Variants in FYB2 observed in about 807,000 individuals in gnomAD.
FYB2 encodes the protein FYN binding protein 2, also known as FYN-binding protein 2.
Under a neutral mutation model 94.1 loss-of-function variants are expected in FYB2, and 103 were observed. The ratio of observed to expected loss-of-function variants is 1.09; its 90% CI spans 0.93 to 1.29. The LOEUF (loss-of-function observed/expected upper bound fraction) is 1.29. FYB2 is among the 50% of genes most tolerant of loss of function. The pLI, the probability that FYB2 is intolerant of heterozygous loss-of-function variation, is 0.00. For missense variants in FYB2, 896 were observed against 841.5 expected, an observed-to-expected ratio of 1.06 and a Z score of -0.80; for synonymous variants, 293 against 287.9, an observed-to-expected ratio of 1.02 and a Z score of -0.18.
rs138851640 is a variant in FYB2 at position 56,789,060 on chromosome 1, G to A, written c.832C>T (p.Pro278Ser). 5.6e-5 allele frequency: 91 copies of A among 1,613,886 alleles called. No individual in the cohort carries two copies. In the African/African-American group the frequency reaches 1.1e-3, roughly 20 times the overall value. ...PLPSIDSLGP[P>S]PPKPSRPPIV... ...GGAGGTCTTGAAGGCTTTGGGGGAG[G>A]AGGACCCAGGGAGTCGATGGAGGGC... The change falls in exon 3 of 20, where the codon CCT (proline) becomes TCT (serine). Residue 278 changes from proline (P) to serine (S), a missense_variant. Physicochemically the swap from Pro to Ser is moderately conservative, Grantham distance 74 (BLOSUM62 -1). Transcript: ENST00000343433.
intron 14 of FYB2, among the ~76,000 whole-genome samples, chr1:56,738,247 A>G (rs940080701): frequency 1.3e-5 from 2 of 152,124 alleles, no homozygotes; most frequent in African/African-American, 4.8e-5. Flanking sequence ...AGGATGAAGG[A>G]TATCAAGTCC....
At chr1:56,781,149 C>T (rs1303227581) in intron 4 of FYB2, among the ~76,000 whole-genome samples, 1 of 152,202 alleles carries the variant, frequency 6.6e-6, no homozygotes, top group African/African-American at 2.4e-5. Context: ...TTAAGTGATT[C>T]TGTTGTACAT....
At chr1:56,722,033 T>A (rs1644494603) in intron 17 of FYB2, among the ~76,000 whole-genome samples, 1 of 151,962 alleles carries the variant, frequency 6.6e-6, no homozygotes. Flanking sequence ...ATACAGGAAA[T>A]GGAATATCTT....
At chr1:56,754,353 A>G (rs1002172633) in intron 7 of FYB2, among the ~76,000 whole-genome samples, 1 of 151,940 alleles carries the variant, frequency 6.6e-6, no homozygotes, top group Non-Finnish European at 1.5e-5. Context: ...TGCCTTCCAC[A>G]TCTTATACTG....
At chr1:56,804,523 A>C (rs1646594834) in intron 1 of FYB2, among the ~76,000 whole-genome samples, 1 of 152,098 alleles carries the variant, frequency 6.6e-6, no homozygotes, top group Non-Finnish European at 1.5e-5. Flanking sequence ...TCAGGAGTTC[A>C]AGACCAGCCT....
Position 56,753,849 on chromosome 1 carries a change from T to C in FYB2, c.1217A>G (p.His406Arg), listed in dbSNP as rs770063699. Residue 406 changes from histidine (H) to arginine (R), a missense_variant, in exon 8 of 20, where the codon CAT becomes CGT. Transcript: ENST00000343433. ...KNTEKEPYSN[H>R]VFKVDACEGT... is the part of the protein sequence containing the mutation. ...GTAGAACATAGGTACCTTGAAAACATGGTTTGAATATGGTTCCTTTTCTGT... is the reference window on the plus strand; with the variant it reads ...GTAGAACATAGGTACCTTGAAAACACGGTTTGAATATGGTTCCTTTTCTGT... The C allele has an allele frequency of 3.0e-5, 48 of 1,606,150 alleles. No individual in the cohort carries two copies. In the South Asian group the frequency reaches 4.9e-4, roughly 17 times the overall value.
Position 56,767,952 on chromosome 1 carries a change from G to A in FYB2, c.954-14C>T, listed in dbSNP as rs754542280. 6.5e-7 allele frequency: 1 copy of A among 1,530,906 alleles called. No homozygotes were observed. Among genetic ancestry groups the A allele is most frequent in the Non-Finnish European group, 8.9e-7 (1 of 1,125,574 alleles). 94.8% of individuals were successfully genotyped at this position (1,530,906 alleles called of 1,614,324 possible). A position where few individuals can be genotyped will look rare whatever the true frequency, so the allele number is the denominator to read the frequency against. On this transcript the variant is annotated splice_polypyrimidine_tract_variant and intron_variant, in intron 4 of 19. Transcript: ENST00000343433. ...GCATTGAAAAGCCTGGAGAAAAAAG[G>A]GTTACTTAAAATGTAACATTTTTAA...
chr1:56,743,501 G>A (rs185224997), intron 11 of FYB2, among the ~76,000 whole-genome samples: 1 of 152,128 alleles, frequency 6.6e-6, no homozygotes, highest in East Asian at 1.9e-4. Context: ...GTACCCAGGG[G>A]AGGAAAGAGC....
rs536368768 is a variant in FYB2, at chr1:56,726,441, T to A, written c.1880+56A>T. ...TACTTATCTGAGGCCACACAGCTAGTAAGAGGTATAAATTGCAGCAGATAA... is the reference window on the plus strand; with the variant it reads ...TACTTATCTGAGGCCACACAGCTAGAAAGAGGTATAAATTGCAGCAGATAA... On this transcript the variant is annotated intron_variant, in intron 16 of 19. Coordinates refer to ENST00000343433, the MANE Select transcript of FYB2 (RefSeq NM_001004303.5). 2.6e-5 allele frequency: 39 copies of A among 1,491,296 alleles called. No individual in the cohort carries two copies. The East Asian group carries it at 8.6e-4, about 33-fold the overall frequency. 92.4% of individuals were successfully genotyped at this position (1,491,296 alleles called of 1,614,324 possible). A position where few individuals can be genotyped will look rare whatever the true frequency, so the allele number is the denominator to read the frequency against.
At chr1:56,777,845 G>T (rs927340895) in intron 4 of FYB2, among the ~76,000 whole-genome samples, 1 of 151,838 alleles carries the variant, frequency 6.6e-6, no homozygotes. Flanking sequence ...ATTATCCATG[G>T]CCCTTCTATA....
chr1:56,731,591 C>T (rs1018745570), intron 15 of FYB2, among the ~76,000 whole-genome samples: 4 of 151,932 alleles, frequency 2.6e-5, no homozygotes, highest in Non-Finnish European at 5.9e-5. Context: ...CATGTGAAGC[C>T]GGAAATTCTC....
intron 4 of FYB2, among the ~76,000 whole-genome samples, chr1:56,769,257 C>T (rs1396896936): frequency 6.6e-6 from 1 of 152,060 alleles, no homozygotes; most frequent in Admixed American, 6.6e-5. Context: ...CCAGGCTGGT[C>T]TCGAACTCCT....
At chr1:56,784,468 T>A (rs1351922501) in intron 4 of FYB2, among the ~76,000 whole-genome samples, 1 of 152,170 alleles carries the variant, frequency 6.6e-6, no homozygotes, top group Non-Finnish European at 1.5e-5. Context: ...TCTTCCCAAA[T>A]GAGCACCAGT....
chr1:56,721,353 A>G, intron 17 of FYB2, among the ~76,000 whole-genome samples: 1 of 152,182 alleles, frequency 6.6e-6, no homozygotes, highest in South Asian at 2.1e-4. Context: ...ACTATTTATT[A>G]TTATGATTAA....
chr1:56,742,570 C>T (rs911906255), intron 11 of FYB2, among the ~76,000 whole-genome samples: 6 of 152,056 alleles, frequency 3.9e-5, no homozygotes, highest in Non-Finnish European at 5.9e-5. Flanking sequence ...TCAGGCATTG[C>T]GCTGAATGCT....
intron 15 of FYB2, among the ~76,000 whole-genome samples, chr1:56,727,559 ACT>A (rs1299945370): frequency 9.9e-5 from 15 of 152,072 alleles, no homozygotes; most frequent in African/African-American, 2.9e-4. Flanking sequence ...AAGTTACATA[ACT>A]CTATATACAG....
intron 11 of FYB2, among the ~76,000 whole-genome samples, chr1:56,743,029 G>A (rs1449277434): frequency 6.6e-6 from 1 of 151,900 alleles, no homozygotes; most frequent in Non-Finnish European, 1.5e-5. Context: ...ACTAAGTCAA[G>A]CCAGTTAATG....
At chr1:56,823,038 G>A (rs935758910), upstream of FYB2, among the ~76,000 whole-genome samples, 1 of 152,160 alleles carries the variant, frequency 6.6e-6, no homozygotes, top group African/African-American at 2.4e-5. Context: ...GATGAAAGAA[G>A]TGAAATTTAT....
chr1:56,791,904 A>G, intron 2 of FYB2, 152 bp downstream of exon 2: 1 of 1,116,750 alleles, frequency 9.0e-7, no homozygotes, highest in Non-Finnish European at 1.2e-6. Flanking sequence ...CCGAGGTTAC[A>G]ATTTAGCAGA....
Sources: allele counts gnomAD v4.1 joint callset (sites outside exome capture counted in the v4.1 genomes callset), GRCh38; gene constraint gnomAD v4.1.1; transcripts MANE v1.5; gene names NCBI Gene and HGNC (gene_info 2026-07-23, HGNC 2026-07-21).